The following HEMK2 variants were observed in gnomAD, a reference collection of about 807,000 sequenced individuals.
The protein encoded by HEMK2 is methyltransferase HEMK2.
At chr21:28,709,043 A>T in the HEMK2 span, among the ~76,000 whole-genome samples, 1 of 152,112 alleles carries the variant, frequency 6.6e-6, no homozygotes, top group East Asian at 1.9e-4. Flanking sequence ...GACTGTCATC[A>T]ACTTGTTCTA....
the HEMK2 span, among the ~76,000 whole-genome samples, chr21:28,756,816 G>C: frequency 6.6e-6 from 1 of 152,206 alleles, no homozygotes; most frequent in Non-Finnish European, 1.5e-5. Flanking sequence ...GCAATATCAT[G>C]TAAAACTATT....
At chr21:28,628,832 A>G in the HEMK2 span, among the ~76,000 whole-genome samples, 1 of 152,210 alleles carries the variant, frequency 6.6e-6, no homozygotes, top group African/African-American at 2.4e-5. Context: ...TCAGAATCAC[A>G]AGAAGCTTTT....
At chr21:28,882,216 T>TA in the HEMK2 span, 1 of 1,609,800 alleles carries the variant, frequency 6.2e-7, no homozygotes, top group Non-Finnish European at 8.5e-7. Context: ...GTCTCTAGGG[T>TA]ACAAGCTGCT....
the HEMK2 span, among the ~76,000 whole-genome samples, chr21:28,631,927 A>G: frequency 6.6e-6 from 1 of 152,172 alleles, no homozygotes; most frequent in Non-Finnish European, 1.5e-5. Flanking sequence ...TTATCAATTT[A>G]TATTATTTAC....
the HEMK2 span, among the ~76,000 whole-genome samples, chr21:28,696,181 C>G: frequency 6.6e-6 from 1 of 152,058 alleles, no homozygotes; most frequent in Non-Finnish European, 1.5e-5. Context: ...GGAAACTGCC[C>G]CCATGATTCA....
the HEMK2 span, among the ~76,000 whole-genome samples, chr21:28,746,386 A>T: frequency 2.6e-5 from 4 of 152,146 alleles, no homozygotes; most frequent in East Asian, 5.8e-4. Flanking sequence ...AATGACATAA[A>T]GCATAGACAT....
chr21:28,736,103 G>A, the HEMK2 span, among the ~76,000 whole-genome samples: 3 of 152,304 alleles, frequency 2.0e-5, no homozygotes, highest in East Asian at 1.9e-4. Context: ...GGTATAGATC[G>A]ACACCAGATT....
the HEMK2 span, among the ~76,000 whole-genome samples, chr21:28,811,254 G>T: frequency 7.5e-6 from 1 of 133,076 alleles, no homozygotes; most frequent in Non-Finnish European, 1.6e-5. Flanking sequence ...AAAGAGGAAA[G>T]AAAGAAAGAA....
the HEMK2 span, among the ~76,000 whole-genome samples, chr21:28,682,326 G>A: frequency 6.6e-6 from 1 of 152,068 alleles, no homozygotes; most frequent in South Asian, 2.1e-4. Flanking sequence ...GGCCATCAGA[G>A]AAATGCAAAT....
At chr21:28,649,637 AG>A in the HEMK2 span, among the ~76,000 whole-genome samples, 2 of 152,152 alleles carry the variant, frequency 1.3e-5, no homozygotes, top group Non-Finnish European at 2.9e-5. Context: ...CTGCTGGGAG[AG>A]GGTCTCCTTT....
chr21:28,824,177 G>C, the HEMK2 span, among the ~76,000 whole-genome samples: 7 of 152,184 alleles, frequency 4.6e-5, no homozygotes, highest in African/African-American at 1.7e-4. Flanking sequence ...TGGGGTAAGG[G>C]GGAGCCTGAG....
chr21:28,819,313 G>T, the HEMK2 span, among the ~76,000 whole-genome samples: 1 of 148,166 alleles, frequency 6.7e-6, no homozygotes, highest in Non-Finnish European at 1.5e-5. Flanking sequence ...AAAAGGCCCT[G>T]GTCATTTAAA....
At chr21:28,671,587 T>TAGTA in the HEMK2 span, among the ~76,000 whole-genome samples, 1 of 152,180 alleles carries the variant, frequency 6.6e-6, no homozygotes, top group Non-Finnish European at 1.5e-5. Context: ...ACAACCTGGA[T>TAGTA]TACTGCAGTG....
the HEMK2 span, among the ~76,000 whole-genome samples, chr21:28,832,486 T>G: frequency 6.6e-6 from 1 of 152,190 alleles, no homozygotes. Context: ...GAACACAAAT[T>G]TAATAGCAGT....
At chr21:28,673,404 A>G in the HEMK2 span, among the ~76,000 whole-genome samples, 1 of 152,166 alleles carries the variant, frequency 6.6e-6, no homozygotes, top group Admixed American at 6.5e-5. Context: ...GTGGATTTAA[A>G]TCTACTTTCT....
chr21:28,628,073 C>T, the HEMK2 span, among the ~76,000 whole-genome samples: 1 of 152,200 alleles, frequency 6.6e-6, no homozygotes, highest in Non-Finnish European at 1.5e-5. Context: ...CAATAAATCT[C>T]TGCTTTTGTT....
At chr21:28,883,451 G>A in the HEMK2 span, among the ~76,000 whole-genome samples, 1 of 152,044 alleles carries the variant, frequency 6.6e-6, no homozygotes, top group African/African-American at 2.4e-5. Context: ...AATAAAGTTT[G>A]TATTATTACA....
chr21:28,634,808 T>C, the HEMK2 span, among the ~76,000 whole-genome samples: 2 of 152,296 alleles, frequency 1.3e-5, no homozygotes, highest in Non-Finnish European at 2.9e-5. Context: ...ATACTGCATA[T>C]AAAGTTTCTA....
chr21:28,623,327 G>A, the HEMK2 span, among the ~76,000 whole-genome samples: 2 of 152,188 alleles, frequency 1.3e-5, no homozygotes, highest in African/African-American at 4.8e-5. Context: ...TAAAAAGTGA[G>A]GAAACAACAG....
Sources: allele counts gnomAD v4.1 joint callset (sites outside exome capture counted in the v4.1 genomes callset), GRCh38; gene constraint gnomAD v4.1.1; transcripts MANE v1.5; gene names NCBI Gene and HGNC (gene_info 2026-07-23, HGNC 2026-07-21).